The following ARHGEF7 variants were observed in gnomAD, a reference collection of about 807,000 sequenced individuals.
ARHGEF7 encodes the protein PAK-interacting exchange factor beta.
A neutral mutation model predicts 109.8 loss-of-function variants in ARHGEF7; 33 were observed. The ratio of observed to expected loss-of-function variants is 0.30; its 90% CI spans 0.23 to 0.40. The LOEUF is 0.40. ARHGEF7 is among the 10% of genes least tolerant of loss of function. The probability of loss-of-function intolerance (pLI) is 1.00; values close to 1 mark genes in which losing one functional copy is unlikely to be tolerated. For missense variants in ARHGEF7, 938 were observed against 1,098.5 expected (o/e 0.85, Z 2.07); for synonymous variants, 458 against 424.6 (o/e 1.08, Z -0.97).
chr13:111,148,893 C>T (rs2075749940), intron 1 of ARHGEF7, among the ~76,000 whole-genome samples: 1 of 152,140 alleles, frequency 6.6e-6, no homozygotes, highest in African/African-American at 2.4e-5. Flanking sequence ...TGGACTTTGT[C>T]CATGTAACTC....
At chr13:111,127,942 AAG>A (rs1294399490) in intron 1 of ARHGEF7, among the ~76,000 whole-genome samples, 3 of 152,224 alleles carry the variant, frequency 2.0e-5, no homozygotes, top group Non-Finnish European at 4.4e-5. Flanking sequence ...AACAAACTAA[AAG>A]AGAAAAATCC....
chr13:111,251,354 C>T (rs565789627), intron 8 of ARHGEF7, among the ~76,000 whole-genome samples: 2 of 152,178 alleles, frequency 1.3e-5, no homozygotes, highest in Non-Finnish European at 2.9e-5. Flanking sequence ...GGAGCCCGGA[C>T]GGGCAGGCGA....
intron 8 of ARHGEF7, among the ~76,000 whole-genome samples, chr13:111,267,053 A>C (rs190582367): frequency 1.3e-5 from 2 of 152,252 alleles, no homozygotes; most frequent in East Asian, 3.9e-4. Context: ...CTTCTTGGAA[A>C]AGCCTGTTAA....
intron 4 of ARHGEF7, among the ~76,000 whole-genome samples, chr13:111,214,588 G>A (rs912650105): frequency 2.0e-5 from 3 of 152,186 alleles, no homozygotes; most frequent in Non-Finnish European, 2.9e-5. Context: ...CAGTGAACTC[G>A]GGTCACGTTT....
chr13:111,254,661 G>A lies in ARHGEF7; in HGVS notation c.950+10367G>A, dbSNP rs866605431. ...CCCAGAAGAGGATTCGGGCTAAGGC[G>A]CTGAGTCGCTAACGTGAAGGCCGGG... is the stretch of plus-strand genomic sequence containing the variant. On this transcript the variant is annotated intron_variant, in intron 8 of 21. Transcript: ENST00000646102. Among the ~76,000 whole-genome samples, 119 of 84,738 alleles carry A rather than the reference G, an allele frequency of 1.4e-3. 1 individual carries two copies. Among genetic ancestry groups the A allele is most frequent in the African/African-American group, 6.1e-3 (109 of 17,922 alleles). The allele number at this position is 84,738 out of a possible 152,430, so 55.6% of individuals were successfully genotyped here.
chr13:111,291,000 A>G (rs1287235506), intron 18 of ARHGEF7, among the ~76,000 whole-genome samples: 2 of 152,252 alleles, frequency 1.3e-5, no homozygotes, highest in East Asian at 3.8e-4. Context: ...CAATACACAC[A>G]TTTGGATGCC....
At chr13:111,236,990 C>T (rs182834773) in intron 6 of ARHGEF7, among the ~76,000 whole-genome samples, 19 of 152,240 alleles carry the variant, frequency 1.2e-4, no homozygotes, top group Non-Finnish European at 1.5e-4. Context: ...ACACCTCTGA[C>T]GGTGAGGTTT....
At chr13:111,244,715 T>C (rs1268348674) in intron 8 of ARHGEF7, among the ~76,000 whole-genome samples, 2 of 152,238 alleles carry the variant, frequency 1.3e-5, no homozygotes, top group Admixed American at 6.5e-5. Context: ...GCAGATACAG[T>C]GCTTCTAGAA....
intron 1 of ARHGEF7, among the ~76,000 whole-genome samples, chr13:111,139,380 G>C (rs185659805): frequency 1.1e-4 from 17 of 152,164 alleles, no homozygotes; most frequent in Non-Finnish European, 1.6e-4. Context: ...TTGTCTCTCT[G>C]TATCTGTGAC....
chr13:111,144,121 T>G (rs1368224076), intron 1 of ARHGEF7: 1 of 152,224 alleles, frequency 6.6e-6, no homozygotes, highest in African/African-American at 2.4e-5. Flanking sequence ...ATTTCATGTC[T>G]CTGGCATATC....
intron 4 of ARHGEF7, among the ~76,000 whole-genome samples, chr13:111,216,896 T>G (rs2083220370): frequency 6.6e-6 from 1 of 152,240 alleles, no homozygotes; most frequent in Admixed American, 6.5e-5. Context: ...CCCCTCTGCC[T>G]TCCTCTTTCT....
In ARHGEF7 at chr13:111,266,061, AT is replaced by A. The variant is rs202073565; in HGVS notation, c.951-1478del. ...TTTGTGTTGGATGCTGACGTCTTTC[AT>A]TTTTTTTTGCATTCCTCTGTCATTT... On this transcript the variant is annotated intron_variant, in intron 8 of 21. Coordinates refer to ENST00000646102, the MANE Select transcript of ARHGEF7 (RefSeq NM_001354046.2). This position sits in a 1 kb window ranked among gnomAD's most constrained non-coding sequence, Gnocchi z 4.8. Among the ~76,000 whole-genome samples, 1 of 149,922 alleles carries A rather than the reference AT, an allele frequency of 6.7e-6. No individual in the cohort carries two copies. The highest frequency in any genetic ancestry group is 6.6e-5 in the Admixed American group (1 of 15,044).
intron 4 of ARHGEF7, among the ~76,000 whole-genome samples, chr13:111,213,211 A>G (rs1355871562): frequency 1.3e-5 from 2 of 152,168 alleles, no homozygotes; most frequent in East Asian, 1.9e-4. Flanking sequence ...GGCTCCAGGC[A>G]TCAGAAAGAG....
At chr13:111,200,431 G>A (rs959596262) in intron 2 of ARHGEF7, among the ~76,000 whole-genome samples, 1 of 150,110 alleles carries the variant, frequency 6.7e-6, no homozygotes, top group Non-Finnish European at 1.5e-5. Flanking sequence ...TGACCCTGGT[G>A]CTTCCTTGCT....
intron 8 of ARHGEF7, among the ~76,000 whole-genome samples, chr13:111,253,606 C>G (rs994467831): frequency 1.3e-5 from 2 of 152,180 alleles, no homozygotes; most frequent in Middle Eastern, 3.2e-3. Context: ...TGCCCTGTTC[C>G]CGTCTCAGAT....
At chr13:111,181,888 T>C (rs531326913) in intron 2 of ARHGEF7, among the ~76,000 whole-genome samples, 3 of 152,360 alleles carry the variant, frequency 2.0e-5, no homozygotes, top group African/African-American at 7.2e-5. Flanking sequence ...GTAATGCTGC[T>C]GCTTGGTTGG....
intron 2 of ARHGEF7, among the ~76,000 whole-genome samples, chr13:111,157,452 G>A (rs1315783042): frequency 1.3e-5 from 2 of 151,900 alleles, no homozygotes; most frequent in Non-Finnish European, 2.9e-5. Flanking sequence ...GGCTGAGGCG[G>A]GTAGATCACC....
At chr13:111,260,105 C>T (rs1309771689) in intron 8 of ARHGEF7, among the ~76,000 whole-genome samples, 2 of 152,068 alleles carry the variant, frequency 1.3e-5, no homozygotes, top group East Asian at 1.9e-4. Flanking sequence ...AGCATGCCTA[C>T]AAGATGTAGA....
At chr13:111,123,868 C>CCCCA (rs2067373744) in intron 1 of ARHGEF7, among the ~76,000 whole-genome samples, 1 of 145,138 alleles carries the variant, frequency 6.9e-6, no homozygotes, top group Admixed American at 6.8e-5. Context: ...CTGCGCCCCC[C>CCCCA]CCCCCCGGCC....
Sources: gnomAD v4.1 joint callset for allele counts (sites outside exome capture counted in the v4.1 genomes callset) on GRCh38, gnomAD v4.1.1 for gene constraint, Gnocchi (gnomAD v3.1) non-coding constraint, MANE v1.5 for transcripts, NCBI Gene and HGNC (gene_info 2026-07-23, HGNC 2026-07-21) for gene names.